The following L3MBTL4 variants were observed in gnomAD, a reference collection of about 807,000 sequenced individuals.
The protein encoded by L3MBTL4 is lethal(3)malignant brain tumor-like protein 4.
A neutral mutation model predicts 84.5 loss-of-function variants in L3MBTL4; 70 were observed. The observed-to-expected ratio is 0.83, with a 90% CI of 0.68 to 1.01. L3MBTL4 has a LOEUF of 1.01. Among genes scored for constraint, L3MBTL4 ranks in the 50% least tolerant of loss-of-function variants. L3MBTL4 has a pLI of 0.00. For missense variants in L3MBTL4, 715 were observed against 754.8 expected (o/e 0.95, Z 0.62); for synonymous variants, 274 against 259.8 (o/e 1.05, Z -0.52).
At chr18:6,329,562 G>A (rs953442490) in intron 1 of L3MBTL4, among the ~76,000 whole-genome samples, 1 of 152,146 alleles carries the variant, frequency 6.6e-6, no homozygotes, top group Non-Finnish European at 1.5e-5. Context: ...ATAAAGAAAA[G>A]GAATTTATTT....
intron 16 of L3MBTL4, among the ~76,000 whole-genome samples, chr18:6,000,745 T>C (rs906492819): frequency 2.0e-5 from 3 of 152,200 alleles, no homozygotes; most frequent in Non-Finnish European, 4.4e-5. Context: ...ACAAGACCTA[T>C]CTTAGTAAAG....
chr18:6,190,975 G>C (rs1308368361), intron 12 of L3MBTL4, among the ~76,000 whole-genome samples: 1 of 152,172 alleles, frequency 6.6e-6, no homozygotes, highest in African/African-American at 2.4e-5. Context: ...CAGCACATGG[G>C]AAAAGGCGGT....
chr18:6,243,184 G>T, intron 7 of L3MBTL4, 110 bp downstream of exon 7: 1 of 964,072 alleles, frequency 1.0e-6, no homozygotes, highest in Non-Finnish European at 1.4e-6. Context: ...TTTCATTTTG[G>T]AAATCAATCC....
chr18:6,338,236 G>A (rs2052438767), intron 1 of L3MBTL4, among the ~76,000 whole-genome samples: 1 of 151,674 alleles, frequency 6.6e-6, no homozygotes, highest in African/African-American at 2.4e-5. Context: ...AGGGAAAGAA[G>A]GAAAATGAAT....
intron 16 of L3MBTL4, among the ~76,000 whole-genome samples, chr18:5,992,930 G>A (rs2053768763): frequency 6.6e-6 from 1 of 152,196 alleles, no homozygotes; most frequent in African/African-American, 2.4e-5. Context: ...TGCAACAACA[G>A]CCTAACACAA....
At chr18:6,335,456 G>A (rs965923998) in intron 1 of L3MBTL4, among the ~76,000 whole-genome samples, 1 of 152,140 alleles carries the variant, frequency 6.6e-6, no homozygotes, top group African/African-American at 2.4e-5. Flanking sequence ...GGGTATTAGA[G>A]TGTCATGACT....
intron 4 of L3MBTL4, among the ~76,000 whole-genome samples, chr18:6,264,751 TC>T (rs1424831820): frequency 2.0e-5 from 3 of 152,116 alleles, no homozygotes; most frequent in African/African-American, 4.8e-5. Context: ...ACTACTGCAC[TC>T]CAGCCTGGGC....
At chr18:6,280,140 A>C (rs1003740390) in intron 4 of L3MBTL4, among the ~76,000 whole-genome samples, 1 of 152,250 alleles carries the variant, frequency 6.6e-6, no homozygotes. Context: ...TCCGTAAAGG[A>C]ACACTGAATT....
At chr18:5,975,832 C>T (rs1012929728) in intron 16 of L3MBTL4, among the ~76,000 whole-genome samples, 2 of 152,202 alleles carry the variant, frequency 1.3e-5, no homozygotes, top group African/African-American at 2.4e-5. Context: ...TCTTAGATGC[C>T]AAGTCATATT....
intron 14 of L3MBTL4, among the ~76,000 whole-genome samples, chr18:6,110,124 C>A (rs1427686331): frequency 6.6e-6 from 1 of 151,964 alleles, no homozygotes; most frequent in Non-Finnish European, 1.5e-5. Flanking sequence ...CATACTCCCT[C>A]CCAGGCTGGG....
intron 15 of L3MBTL4, among the ~76,000 whole-genome samples, chr18:6,085,395 G>A (rs746374487): frequency 1.2e-4 from 19 of 152,206 alleles, no homozygotes; most frequent in Non-Finnish European, 2.5e-4. Context: ...TTAACAAAAT[G>A]TTAATATAAA....
chr18:6,277,662 C>T (rs1404654054), intron 4 of L3MBTL4, among the ~76,000 whole-genome samples: 1 of 152,072 alleles, frequency 6.6e-6, no homozygotes, highest in Non-Finnish European at 1.5e-5. Context: ...AATTTCTATC[C>T]TTCAGTAGGA....
chr18:6,133,578 G>T (rs2059941428), intron 14 of L3MBTL4, among the ~76,000 whole-genome samples: 1 of 151,970 alleles, frequency 6.6e-6, no homozygotes, highest in Non-Finnish European at 1.5e-5. Flanking sequence ...GTTACAGCAG[G>T]TATAAGACAT....
In L3MBTL4 at chr18:6,261,584, A is replaced by G. The variant is rs343247; in HGVS notation, c.219+2363T>C. Among the ~76,000 whole-genome samples the G allele has an allele frequency of 4.4e-3, 673 of 152,230 alleles. 5 individuals carry two copies. The highest frequency in any genetic ancestry group is 0.015 in the African/African-American group (630 of 41,534). ...CCAGCACCTCTTTTGTCATCCCTCT[A>G]TAAAGTCAAGGGGGAAAGCTACATG... On this transcript the variant is annotated intron_variant, in intron 5 of 18. Coordinates refer to ENST00000317931, the MANE Select transcript of L3MBTL4 (RefSeq NM_001330559.2).
chr18:6,029,577 AACT>A, intron 16 of L3MBTL4: 1 of 985,430 alleles, frequency 1.0e-6, no homozygotes, highest in Non-Finnish European at 1.2e-6. Context: ...AAAAACGATA[AACT>A]GCTTAGGAAT....
At chr18:6,195,100 A>AGTAG (rs1403793348) in intron 12 of L3MBTL4, among the ~76,000 whole-genome samples, 14 of 152,234 alleles carry the variant, frequency 9.2e-5, no homozygotes, top group Non-Finnish European at 1.3e-4. Context: ...AAAAGTGTAG[A>AGTAG]GTAGGTACTC....
At chr18:6,377,420 C>A (rs2054413312) in intron 1 of L3MBTL4, among the ~76,000 whole-genome samples, 1 of 151,990 alleles carries the variant, frequency 6.6e-6, no homozygotes, top group Non-Finnish European at 1.5e-5. Flanking sequence ...TTTGCTGCAC[C>A]CATCAACCTG....
intron 15 of L3MBTL4, among the ~76,000 whole-genome samples, chr18:6,083,781 A>T (rs1254657293): frequency 6.6e-6 from 1 of 152,160 alleles, no homozygotes; most frequent in African/African-American, 2.4e-5. Context: ...AGACCTGTGT[A>T]TCTGTTTATA....
At chr18:6,029,119 A>G (rs1240394713) in intron 16 of L3MBTL4, among the ~76,000 whole-genome samples, 1 of 152,210 alleles carries the variant, frequency 6.6e-6, no homozygotes, top group Non-Finnish European at 1.5e-5. Flanking sequence ...TTAACACTAA[A>G]CAAATATGAG....
Sources: allele counts gnomAD v4.1 joint callset (sites outside exome capture counted in the v4.1 genomes callset), GRCh38; gene constraint gnomAD v4.1.1; transcripts MANE v1.5; gene names NCBI Gene and HGNC (gene_info 2026-07-23, HGNC 2026-07-21).